The following CTSD variants were observed in gnomAD, a reference collection of about 807,000 sequenced individuals.
CTSD encodes the protein cathepsin D.
In CTSD, 28 loss-of-function variants were observed where a neutral mutation model predicts 43.6. The ratio of observed to expected loss-of-function variants is 0.64; its 90% CI spans 0.48 to 0.88. CTSD has a LOEUF of 0.88. Ranked by LOEUF, CTSD falls within the 40% of genes least tolerant of loss-of-function variation. CTSD has a pLI of 0.00. For missense variants in CTSD, 485 were observed against 555.2 expected (o/e 0.87, Z 1.27); for synonymous variants, 270 against 249.8 (o/e 1.08, Z -0.76).
intron 5 of CTSD, among the ~76,000 whole-genome samples, chr11:1,755,640 A>C (rs552083950): frequency 1.3e-5 from 2 of 152,258 alleles, no homozygotes; most frequent in South Asian, 4.1e-4. Flanking sequence ...AACATTGCTC[A>C]AGTACAGCTT....
intron 4 of CTSD, among the ~76,000 whole-genome samples, chr11:1,758,568 G>A (rs940408042): frequency 5.3e-5 from 8 of 151,966 alleles, no homozygotes; most frequent in Non-Finnish European, 7.4e-5. Context: ...CCCCCACAGC[G>A]GGTTCCTGGT....
intron 1 of CTSD, 50 bp downstream of exon 1, chr11:1,763,742 C>T (rs1255462337): frequency 6.7e-7 from 1 of 1,486,526 alleles, no homozygotes; most frequent in Admixed American, 2.1e-5. Flanking sequence ...CCCGGGACCT[C>T]GGCGCCGCGA....
At chr11:1,757,872 G>A in intron 4 of CTSD, 1 of 442,982 alleles carries the variant, frequency 2.3e-6, no homozygotes, top group South Asian at 2.1e-5. Context: ...ATGACAGGCA[G>A]GTCCTGCTCC....
intron 6 of CTSD, among the ~76,000 whole-genome samples, chr11:1,754,433 G>A: frequency 6.9e-6 from 1 of 144,032 alleles, no homozygotes; most frequent in African/African-American, 2.6e-5. Flanking sequence ...GGGCATGGAG[G>A]GATGGAGGGA....
chr11:1,763,618 C>A, intron 1 of CTSD, 174 bp downstream of exon 1: 1 of 584,376 alleles, frequency 1.7e-6, no homozygotes. Flanking sequence ...GCCCGGCGCC[C>A]CGTAGGCGGG....
In CTSD at chr11:1,757,690, G is replaced by A. The variant is rs1324666573; in HGVS notation, c.472-134C>T. ...TGGGGCCCAGAGGGCCCAGAAGAAA[G>A]GGCTGGAAACCCTGAGCTGAACACC... On this transcript the variant is annotated intron_variant, in intron 4 of 8. Coordinates refer to ENST00000236671, the MANE Select transcript of CTSD (RefSeq NM_001909.5). 3 of 787,498 alleles carry A rather than the reference G, an allele frequency of 3.8e-6. No homozygotes were observed. The Admixed American group carries it at 6.5e-5, about 17-fold the overall frequency. 48.8% of individuals were successfully genotyped at this position (787,498 alleles called of 1,614,324 possible).
At position 1,753,201 on chromosome 11, in the gene CTSD, C is replaced by T. The variant is rs1051430488; in HGVS notation, c.*302G>A. ...TGGAGATGAAGGGAGCCCCAGGATACACGAGCTCGGCTGCCAAGCTTGGGT... is the reference window on the plus strand; with the variant it reads ...TGGAGATGAAGGGAGCCCCAGGATATACGAGCTCGGCTGCCAAGCTTGGGT... On this transcript the variant is annotated 3_prime_UTR_variant, in exon 9 of 9. Coordinates refer to ENST00000236671, the MANE Select transcript of CTSD (RefSeq NM_001909.5). 2 of 459,168 alleles carry T rather than the reference C, an allele frequency of 4.4e-6. No homozygotes were observed. The highest frequency in any genetic ancestry group is 8.1e-6 in the Non-Finnish European group (2 of 247,532). 28.4% of individuals were successfully genotyped at this position (459,168 alleles called of 1,614,324 possible). A position where few individuals can be genotyped will look rare whatever the true frequency, so the allele number is the denominator to read the frequency against.
At chr11:1,759,181 C>T in intron 3 of CTSD, 94 bp from the exon 4 acceptor site, 1 of 1,056,674 alleles carries the variant, frequency 9.5e-7, no homozygotes. Flanking sequence ...ATGGAGCCCG[C>T]ACCCCCCAAG....
chr11:1,753,293 G>A lies in CTSD; in HGVS notation c.*210C>T. ...GCTCTACCCCCACCAAACAGATGGA[G>A]AGACAGACAGGCAGGCAGCATTTCT... On this transcript the variant is annotated 3_prime_UTR_variant, in exon 9 of 9. Coordinates refer to ENST00000236671, the MANE Select transcript of CTSD (RefSeq NM_001909.5). The A allele has an allele frequency of 3.2e-6, 2 of 633,344 alleles. No individual in the cohort carries two copies. Among genetic ancestry groups the A allele is most frequent in the Non-Finnish European group, 5.7e-6 (2 of 352,614 alleles). 39.2% of individuals were successfully genotyped at this position (633,344 alleles called of 1,614,324 possible).
rs766333457 is a variant in CTSD at position 1,753,685 on chromosome 11, G to C, written c.1072-15C>G. 4 of 1,612,320 alleles carry C rather than the reference G, an allele frequency of 2.5e-6. No homozygotes were observed. The African/African-American group carries it at 5.3e-5, about 22-fold the overall frequency. On this transcript the variant is annotated splice_polypyrimidine_tract_variant and intron_variant, in intron 8 of 8. Coordinates refer to ENST00000236671, the MANE Select transcript of CTSD (RefSeq NM_001909.5). Reference sequence around the variant, plus strand: ...GCCTGCGACACCTGGGACGGCCCTGGTGGTCAGTACCCAGGCCTAGCACCA... The same window carrying C: ...GCCTGCGACACCTGGGACGGCCCTGCTGGTCAGTACCCAGGCCTAGCACCA...
chr11:1,754,508 A>AGGGATGGAG (rs1554962359), intron 6 of CTSD, among the ~76,000 whole-genome samples: 7 of 24,458 alleles, frequency 2.9e-4, no homozygotes, highest in Middle Eastern at 0.022. Flanking sequence ...GTGGGGATGG[A>AGGGATGGAG]GGGATGGAGG....
In CTSD at chr11:1,753,626, G is replaced by A. The variant is rs557342549; in HGVS notation, c.1116C>T (p.Gly372=). The A allele has an allele frequency of 3.9e-4, 621 of 1,612,974 alleles. 5 individuals are homozygous for A. In the South Asian group the frequency reaches 6.5e-3, roughly 17 times the overall value. Residue 372 remains glycine, a synonymous_variant, in exon 9 of 9, where the codon GGC becomes GGT. Coordinates refer to ENST00000236671, the MANE Select transcript of CTSD (RefSeq NM_001909.5). ...GCCCGCTGGGTGGCGGGATGTCCAT[G>A]CCCATGAAGCCGCTCAGGCAGAGGG... ...GKTLCLSGFM[G]MDIPPPSGPL...
At position 1,752,980 on chromosome 11, in the gene CTSD, C is replaced by G. The variant is rs1845745400; in HGVS notation, c.*523G>C. The stretch of plus-strand genomic sequence containing the variant: ...CCCCTCTCACTCCTTCCAGCTCATC[C>G]TCAGGCCTCTAGCGGCCTCATCCTC... On this transcript the variant is annotated 3_prime_UTR_variant, in exon 9 of 9. Coordinates refer to ENST00000236671, the MANE Select transcript of CTSD (RefSeq NM_001909.5). The G allele has an allele frequency of 9.1e-6, 2 of 220,144 alleles. No individual in the cohort carries two copies. Among genetic ancestry groups the G allele is most frequent in the South Asian group, 6.2e-5 (1 of 16,242 alleles). The allele number at this position is 220,144 out of a possible 1,614,324, so 13.6% of individuals were successfully genotyped here.
At chr11:1,763,762 G>A (rs1845912405) in intron 1 of CTSD, 30 bp downstream of exon 1, 2 of 1,516,998 alleles carry the variant, frequency 1.3e-6, no homozygotes, top group African/African-American at 1.4e-5. Context: ...ACCCCTGCCC[G>A]TCCCTGAGCC....
At chr11:1,753,947 G>A in intron 7 of CTSD, 46 bp from the exon 8 acceptor site, 2 of 1,611,406 alleles carry the variant, frequency 1.2e-6, no homozygotes, top group East Asian at 2.2e-5. Context: ...GTGGCCTTGG[G>A]GCTCCCCCTG....
intron 4 of CTSD, among the ~76,000 whole-genome samples, 164 bp downstream of exon 4, chr11:1,758,805 G>A (rs1845839538): frequency 6.6e-6 from 1 of 152,056 alleles, no homozygotes; most frequent in South Asian, 2.1e-4. Flanking sequence ...CACACAACCA[G>A]GCCCATTCCC....
rs7126177 is a variant in CTSD, at chr11:1,759,104, G to C, written c.353-17C>G. The stretch of plus-strand genomic sequence containing the variant: ...GGTGGATCCCTGCCCCGGGCGACAA[G>C]GGGGCCCGCCGGTCATCCCGCAGCC... On this transcript the variant is annotated splice_polypyrimidine_tract_variant and intron_variant, in intron 3 of 8. Coordinates refer to ENST00000236671, the MANE Select transcript of CTSD (RefSeq NM_001909.5). 1.3e-6 allele frequency: 2 copies of C among 1,576,606 alleles called. No individual in the cohort carries two copies. Among genetic ancestry groups the C allele is most frequent in the Non-Finnish European group, 1.7e-6 (2 of 1,145,980 alleles).
At chr11:1,755,365 G>C (rs777679302) in intron 5 of CTSD, 1 of 400,654 alleles carries the variant, frequency 2.5e-6, no homozygotes, top group Non-Finnish European at 4.8e-6. Flanking sequence ...CACTGGGGAG[G>C]ACCCTGTCTG....
Position 1,754,002 on chromosome 11 carries a change from G to A in CTSD, c.964C>T (p.Gln322Ter). 1 of 1,606,232 alleles carries A rather than the reference G, an allele frequency of 6.2e-7. No homozygotes were observed. The highest frequency in any genetic ancestry group is 8.5e-7 in the Non-Finnish European group (1 of 1,177,232). Residue 322 changes from glutamine (Q) to a stop codon, truncating the protein, a stop_gained, in exon 7 of 9, where the codon CAG (glutamine) becomes TAG (stop). Transcript: ENST00000236671. LOFTEE classifies it high-confidence loss of function. Reference protein sequence around the residue: ...QKAIGAVPLIQGEYMIPCEKV... With the variant: ...QKAIGAVPLI ...CAGCCCCCGGCGCTCACCTCGCCCT[G>A]AATCAGCGGCACGGCCCCGATGGCC...
Sources: gnomAD v4.1 joint callset for allele counts (sites outside exome capture counted in the v4.1 genomes callset) on GRCh38, gnomAD v4.1.1 for gene constraint, MANE v1.5 for transcripts, NCBI Gene and HGNC (gene_info 2026-07-23, HGNC 2026-07-21) for gene names.